The following ZNF91 variants were observed in gnomAD, a reference collection of about 807,000 sequenced individuals.
ZNF91 encodes zinc finger protein 91 (HPF7, HTF10).
ZNF91 carries 7 observed loss-of-function variants against 12.6 expected under a neutral mutation model. The observed-to-expected ratio is 0.55, with a 90% CI of 0.31 to 1.04. The LOEUF (loss-of-function observed/expected upper bound fraction) is 1.04, where lower values mean the gene tolerates loss of function less well. Among genes scored for constraint, ZNF91 ranks in the 50% least tolerant of loss-of-function variants. The pLI, the probability that ZNF91 is intolerant of heterozygous loss-of-function variation, is 0.05. For missense variants in ZNF91, 1,217 were observed against 1,385.4 expected (o/e 0.88, Z 1.93); for synonymous variants, 453 against 462.6 (o/e 0.98, Z 0.27).
chr19:23,392,914 C>T (rs1599764579), intron 1 of ZNF91, among the ~76,000 whole-genome samples: 1 of 152,136 alleles, frequency 6.6e-6, no homozygotes, highest in Non-Finnish European at 1.5e-5. Context: ...AGAGATTGTC[C>T]CATCCCATCC....
Position 23,360,927 on chromosome 19 carries a change from T to C in ZNF91, c.2052A>G (p.Lys684=), listed in dbSNP as rs754702301. ...TGTCACATTCTTTACATTTGTAGGG[T>C]TTCTCTTCAGTATGAGTTATCTTAT... ...ANHKITHTEE[K]PYKCKECDKT... The change falls in exon 4 of 4, where the codon AAA becomes AAG. Residue 684 remains lysine (K), a synonymous_variant. Transcript: ENST00000300619. 5 of 1,613,730 alleles carry C rather than the reference T, an allele frequency of 3.1e-6. No homozygotes were observed. The highest frequency in any genetic ancestry group is 4.2e-6 in the Non-Finnish European group (5 of 1,179,800).
In ZNF91 at chr19:23,359,813, C is replaced by T; in HGVS notation, c.3166G>A (p.Gly1056Ser). 6.2e-7 allele frequency: 1 copy of T among 1,613,756 alleles called. No homozygotes were observed. The highest frequency in any genetic ancestry group is 8.5e-7 in the Non-Finnish European group (1 of 1,179,950). Residue 1056 changes from glycine to serine, a missense_variant, in exon 4 of 4, where the codon GGC becomes AGC. Physicochemically the swap from Gly to Ser is moderately conservative, Grantham distance 56. Coordinates refer to ENST00000300619, the MANE Select transcript of ZNF91 (RefSeq NM_003430.4). The stretch of plus-strand genomic sequence containing the variant: ...GTTGAGGATGATATAAATGCTTTGC[C>T]ACATTCTTCACACTTGTAAGGTTTC... ...GEKPYKCEEC[G>S]KAFISSSTLN...
chr19:23,330,224 G>A (rs1009075142), intron 1 of ZNF91, among the ~76,000 whole-genome samples: 15 of 152,034 alleles, frequency 9.9e-5, no homozygotes, highest in Non-Finnish European at 2.2e-4. Flanking sequence ...CCAGCTACTC[G>A]GGAGGCCGAG....
downstream of ZNF91, among the ~76,000 whole-genome samples, chr19:23,357,410 T>C (rs1300989178): frequency 6.6e-6 from 1 of 152,242 alleles, no homozygotes; most frequent in East Asian, 1.9e-4. Context: ...AAGCAGAGTA[T>C]AAATTTGCTT....
At chr19:23,373,104 T>G (rs1249006026) in intron 3 of ZNF91, among the ~76,000 whole-genome samples, 7 of 152,124 alleles carry the variant, frequency 4.6e-5, no homozygotes, top group Non-Finnish European at 1.5e-5. Flanking sequence ...TGACATTCTA[T>G]CACTCTGAGG....
At chr19:23,342,176 A>G in intron 3 of ZNF91, 1 of 503,504 alleles carries the variant, frequency 2.0e-6, no homozygotes, top group Non-Finnish European at 3.6e-6. Flanking sequence ...CTACCTGAGA[A>G]GCTGACTACT....
intron 2 of ZNF91, 148 bp from the exon 3 acceptor site, chr19:23,373,985 A>C: frequency 2.3e-6 from 1 of 430,480 alleles, no homozygotes; most frequent in African/African-American, 2.1e-5. Flanking sequence ...AAATATTTAG[A>C]AGATATTTTA....
intron 1 of ZNF91, among the ~76,000 whole-genome samples, chr19:23,330,037 T>G (rs1177587921): frequency 6.6e-6 from 1 of 152,150 alleles, no homozygotes; most frequent in East Asian, 1.9e-4. Flanking sequence ...CACATAAAAG[T>G]TTTACTGGGA....
intron 1 of ZNF91, among the ~76,000 whole-genome samples, chr19:23,378,006 G>C (rs907042131): frequency 8.5e-5 from 13 of 152,132 alleles, no homozygotes; most frequent in African/African-American, 3.1e-4. Flanking sequence ...AATATAGACA[G>C]ATGAGAGGGA....
intron 1 of ZNF91, among the ~76,000 whole-genome samples, chr19:23,389,376 T>C (rs1969986624): frequency 6.6e-6 from 1 of 150,712 alleles, no homozygotes; most frequent in African/African-American, 2.5e-5. Flanking sequence ...GCCAGAAGAC[T>C]TGGAGATACT....
chr19:23,306,558 T>C (rs1967402094), intron 3 of ZNF91, among the ~76,000 whole-genome samples: 1 of 152,172 alleles, frequency 6.6e-6, no homozygotes, highest in Non-Finnish European at 1.5e-5. Context: ...CACCCAAATA[T>C]GTGACTCCCT....
intron 1 of ZNF91, among the ~76,000 whole-genome samples, chr19:23,319,281 T>C (rs1200042488): frequency 6.6e-6 from 1 of 152,262 alleles, no homozygotes; most frequent in Non-Finnish European, 1.5e-5. Context: ...TTGTGACATA[T>C]GGCCTATCTT....
intron 1 of ZNF91, among the ~76,000 whole-genome samples, chr19:23,388,677 G>C (rs1969958815): frequency 6.6e-6 from 1 of 152,156 alleles, no homozygotes; most frequent in Admixed American, 6.6e-5. Context: ...TTGGAGACCA[G>C]CCTGGCCATT....
Position 23,358,970 on chromosome 19 carries a change from TTA to T in ZNF91, c.*431_*432del. 2.6e-6 allele frequency: 1 copy of T among 389,668 alleles called. No homozygotes were observed. Among genetic ancestry groups the T allele is most frequent in the East Asian group, 6.3e-5 (1 of 15,842 alleles). The allele number at this position is 389,668 out of a possible 1,614,324, so 24.1% of individuals were successfully genotyped here. A position where few individuals can be genotyped will look rare whatever the true frequency, so the allele number is the denominator to read the frequency against. ...TTGTAAGATTTCTCTCCAATATGAG[TTA>T]TCTTATCTGTAGTAAGGTGTGAAAA... On this transcript the variant is annotated 3_prime_UTR_variant, in exon 4 of 4. Transcript: ENST00000300619.
intron 3 of ZNF91, among the ~76,000 whole-genome samples, chr19:23,352,437 A>T (rs757946710): frequency 6.6e-6 from 1 of 152,164 alleles, no homozygotes; most frequent in East Asian, 1.9e-4. Context: ...CCCGCACCCA[A>T]TGATTCTTCC....
At chr19:23,314,572 C>T (rs1599679926), upstream of ZNF91, among the ~76,000 whole-genome samples, 2 of 152,200 alleles carry the variant, frequency 1.3e-5, no homozygotes, top group East Asian at 3.9e-4. Flanking sequence ...TTATGTGACT[C>T]TCCTCTCATG....
intron 1 of ZNF91, among the ~76,000 whole-genome samples, chr19:23,388,156 G>A (rs1969939684): frequency 1.3e-5 from 2 of 151,922 alleles, no homozygotes; most frequent in Admixed American, 1.3e-4. Flanking sequence ...TGAGGCAGGA[G>A]AATTGCTGGA....
rs138008212 is a variant in ZNF91 at position 23,383,166 on chromosome 19, G to A, written c.31-8402C>T. 3.8e-3 allele frequency among the ~76,000 whole-genome samples: 571 copies of A among 152,236 alleles called. 8 individuals carry two copies. Among genetic ancestry groups the A allele is most frequent in the African/African-American group, 0.013 (548 of 41,520 alleles). On this transcript the variant is annotated intron_variant, in intron 1 of 3. Coordinates refer to ENST00000300619, the MANE Select transcript of ZNF91 (RefSeq NM_003430.4). ...TATGAGCAAGTAGAATTTATTTTGG[G>A]AATGCAAGGTTGGTTCAACATACAC...
At chr19:23,345,445 C>T (rs59831979) in intron 3 of ZNF91, among the ~76,000 whole-genome samples, 120 of 152,292 alleles carry the variant, frequency 7.9e-4, no homozygotes, top group African/African-American at 2.7e-3. Context: ...TTTTAACTGA[C>T]TTAATCAATT....
Sources: allele counts gnomAD v4.1 joint callset (sites outside exome capture counted in the v4.1 genomes callset), GRCh38; gene constraint gnomAD v4.1.1; transcripts MANE v1.5; gene names NCBI Gene and HGNC (gene_info 2026-07-23, HGNC 2026-07-21).